The following TTC7B variants were observed in gnomAD, a reference collection of about 807,000 sequenced individuals.
TTC7B encodes the protein tetratricopeptide repeat protein 7B.
In TTC7B, 28 loss-of-function variants were observed where a neutral mutation model predicts 106.8. The observed-to-expected ratio is 0.26, with a 90% CI of 0.19 to 0.36. The LOEUF (loss-of-function observed/expected upper bound fraction) is 0.36. Among genes scored for constraint, TTC7B ranks in the 10% least tolerant of loss-of-function variants. The pLI is 1.00. For missense variants in TTC7B, 862 were observed against 1,076.4 expected, an observed-to-expected ratio of 0.80 and a Z score of 2.79; for synonymous variants, 405 against 430.6, an observed-to-expected ratio of 0.94 and a Z score of 0.74.
chr14:90,745,295 C>A (rs61989874), intron 3 of TTC7B, among the ~76,000 whole-genome samples: 1 of 62,270 alleles, frequency 1.6e-5, no homozygotes, highest in African/African-American at 6.9e-5. Context: ...GACCCTGTCT[C>A]CCAAAAAAAA....
chr14:90,758,326 C>T (rs1460862267), intron 3 of TTC7B, among the ~76,000 whole-genome samples: 1 of 83,914 alleles, frequency 1.2e-5, no homozygotes, highest in Admixed American at 1.4e-4. Flanking sequence ...TCCAGGACGG[C>T]GGGGCGGGGC....
intron 3 of TTC7B, among the ~76,000 whole-genome samples, chr14:90,749,193 T>C (rs768728018): frequency 6.6e-6 from 1 of 152,168 alleles, no homozygotes. Context: ...GTGAGTAATT[T>C]AGATTATGAA....
chr14:90,691,612 G>A (rs1202219767), intron 6 of TTC7B, among the ~76,000 whole-genome samples: 1 of 152,236 alleles, frequency 6.6e-6, no homozygotes, highest in Admixed American at 6.5e-5. Context: ...AGAAAGGTGG[G>A]AAGTGGGCCT....
intron 9 of TTC7B, among the ~76,000 whole-genome samples, chr14:90,661,649 C>T (rs1190454291): frequency 6.6e-6 from 1 of 152,118 alleles, no homozygotes; most frequent in African/African-American, 2.4e-5. Flanking sequence ...AAGGATTATT[C>T]TAACAGCCCT....
At chr14:90,732,315 T>C (rs1329297330) in intron 4 of TTC7B, among the ~76,000 whole-genome samples, 2 of 152,176 alleles carry the variant, frequency 1.3e-5, no homozygotes, top group African/African-American at 4.8e-5. Context: ...TGCCAGGACT[T>C]CCTGTTAGAT....
intron 3 of TTC7B, among the ~76,000 whole-genome samples, chr14:90,745,808 G>A (rs553201658): frequency 6.6e-6 from 1 of 151,354 alleles, no homozygotes; most frequent in Non-Finnish European, 1.5e-5. Context: ...GAGTTCAAGA[G>A]ATTCTTCTGT....
intron 1 of TTC7B, among the ~76,000 whole-genome samples, chr14:90,809,884 C>T (rs2030806773): frequency 6.6e-6 from 1 of 152,220 alleles, no homozygotes; most frequent in South Asian, 2.1e-4. Flanking sequence ...TAACACCCAC[C>T]ACCACCAGCA....
intron 9 of TTC7B, 134 bp downstream of exon 9, chr14:90,676,384 AAAGTT>A: frequency 9.8e-7 from 1 of 1,022,908 alleles, no homozygotes; most frequent in South Asian, 1.6e-5. Flanking sequence ...GGAGAAAACC[AAAGTT>A]AAGTGACTGG....
chr14:90,554,751 G>T (rs1890232816), intron 19 of TTC7B, among the ~76,000 whole-genome samples: 1 of 152,212 alleles, frequency 6.6e-6, no homozygotes, highest in South Asian at 2.1e-4. Flanking sequence ...ACAATATGAT[G>T]CTCTCCCCAC....
At chr14:90,621,667 C>T (rs1884194429) in intron 15 of TTC7B, among the ~76,000 whole-genome samples, 1 of 152,236 alleles carries the variant, frequency 6.6e-6, no homozygotes, top group Non-Finnish European at 1.5e-5. Context: ...TGGGCAGAAA[C>T]ACCTGCCCTG....
intron 15 of TTC7B, among the ~76,000 whole-genome samples, chr14:90,622,103 G>C (rs920047570): frequency 3.4e-5 from 5 of 149,244 alleles, no homozygotes; most frequent in African/African-American, 1.3e-4. Flanking sequence ...GCCACACAAA[G>C]TTCATGATTC....
chr14:90,609,157 G>A (rs1892776043), intron 17 of TTC7B, among the ~76,000 whole-genome samples: 1 of 152,170 alleles, frequency 6.6e-6, no homozygotes, highest in Admixed American at 6.5e-5. Context: ...TTCCAGCCAG[G>A]CTCTCTGCCT....
In TTC7B at chr14:90,689,664, G is replaced by C. The variant is rs1307032771; in HGVS notation, c.826C>G (p.Gln276Glu). 6.2e-7 allele frequency: 1 copy of C among 1,614,150 alleles called. No homozygotes were observed. Among genetic ancestry groups the C allele is most frequent in the Non-Finnish European group, 8.5e-7 (1 of 1,180,018 alleles). The change falls in exon 7 of 20, where the codon CAG becomes GAG. Residue 276 changes from glutamine (Q) to glutamate (E), a missense_variant. Coordinates refer to ENST00000328459, the MANE Select transcript of TTC7B (RefSeq NM_001010854.2). ...TCCTCCAGAGGGTTCCAGTAGCTCT[G>C]CTCACACATACCCCGCAACAAGATC... ...AEILLRGMCE[Q>E]SYWNPLEDPP...
intron 19 of TTC7B, among the ~76,000 whole-genome samples, chr14:90,564,831 AG>A (rs1450336437): frequency 1.3e-5 from 2 of 152,200 alleles, no homozygotes; most frequent in Admixed American, 6.5e-5. Flanking sequence ...GAATCACTTG[AG>A]CCCGGGAGTT....
At chr14:90,574,348 C>T (rs1351670942) in intron 19 of TTC7B, among the ~76,000 whole-genome samples, 1 of 152,214 alleles carries the variant, frequency 6.6e-6, no homozygotes. Flanking sequence ...AACAACATTA[C>T]TTGGCAACTC....
chr14:90,595,404 A>G (rs534091902), intron 17 of TTC7B, among the ~76,000 whole-genome samples: 12 of 152,258 alleles, frequency 7.9e-5, no homozygotes, highest in African/African-American at 2.9e-4. Context: ...TGAAGGGGGA[A>G]CCTAAGAAGT....
intron 15 of TTC7B, among the ~76,000 whole-genome samples, chr14:90,636,133 A>G (rs1884931752): frequency 6.6e-6 from 1 of 152,040 alleles, no homozygotes; most frequent in Non-Finnish European, 1.5e-5. Flanking sequence ...AAAAAAAAAA[A>G]AAGTTCAAAA....
intron 15 of TTC7B, among the ~76,000 whole-genome samples, chr14:90,635,287 T>C (rs1402499707): frequency 1.3e-5 from 2 of 151,996 alleles, no homozygotes; most frequent in South Asian, 2.1e-4. Flanking sequence ...AAATGTATCA[T>C]AAAAATATAA....
intron 5 of TTC7B, among the ~76,000 whole-genome samples, chr14:90,726,862 G>C (rs963364587): frequency 6.6e-6 from 1 of 152,186 alleles, no homozygotes; most frequent in Non-Finnish European, 1.5e-5. Flanking sequence ...GCCACCCAGA[G>C]GGATAAGAGA....
Sources: gnomAD v4.1 joint callset for allele counts (sites outside exome capture counted in the v4.1 genomes callset) on GRCh38, gnomAD v4.1.1 for gene constraint, MANE v1.5 for transcripts, NCBI Gene and HGNC (gene_info 2026-07-23, HGNC 2026-07-21) for gene names.